The following PSD3 variants were observed in gnomAD, a reference collection of about 807,000 sequenced individuals.
PSD3 encodes pleckstrin and Sec7 domain containing 3.
A neutral mutation model predicts 105.5 loss-of-function variants in PSD3; 49 were observed. The observed-to-expected ratio is 0.46, with a 90% CI of 0.37 to 0.59. The LOEUF is 0.59. Among genes scored for constraint, PSD3 ranks in the 20% least tolerant of loss-of-function variants. The pLI is 0.00. For missense variants in PSD3, 1,561 were observed against 1,263.8 expected (o/e 1.24, Z -3.57); for synonymous variants, 557 against 457.8 (o/e 1.22, Z -2.77).
intron 1 of PSD3, among the ~76,000 whole-genome samples, chr8:18,969,175 C>T (rs1193752862): frequency 1.3e-5 from 2 of 152,134 alleles, no homozygotes; most frequent in African/African-American, 4.8e-5. Flanking sequence ...TCCAGAATGA[C>T]TTACCTTACT....
chr8:18,575,454 T>A (rs140827615), intron 12 of PSD3, among the ~76,000 whole-genome samples, 169 bp from the exon 13 acceptor site: 2 of 152,222 alleles, frequency 1.3e-5, no homozygotes, highest in African/African-American at 4.8e-5. Context: ...CAGAACATTA[T>A]GTTGTTTGAA....
intron 10 of PSD3, among the ~76,000 whole-genome samples, chr8:18,654,582 G>C (rs1339925307): frequency 6.6e-6 from 1 of 152,100 alleles, no homozygotes. Context: ...TAACAACAGT[G>C]GTATTGTTCT....
At chr8:18,854,662 G>T (rs1050185580) in intron 4 of PSD3, among the ~76,000 whole-genome samples, 1 of 152,108 alleles carries the variant, frequency 6.6e-6, no homozygotes, top group African/African-American at 2.4e-5. Context: ...CTAAAGAAAT[G>T]ACTGAAATAG....
intron 1 of PSD3, among the ~76,000 whole-genome samples, chr8:19,056,781 A>G (rs1160211272): frequency 2.6e-5 from 4 of 152,210 alleles, no homozygotes; most frequent in Non-Finnish European, 5.9e-5. Context: ...GGAATTCAAA[A>G]TAAGTGAACA....
chr8:18,634,052 T>G (rs1233878419), intron 10 of PSD3, among the ~76,000 whole-genome samples: 2 of 152,184 alleles, frequency 1.3e-5, no homozygotes, highest in East Asian at 3.9e-4. Flanking sequence ...TGTTGGCCAT[T>G]TGTATATCTT....
intron 2 of PSD3, among the ~76,000 whole-genome samples, chr8:18,884,881 C>T (rs867567334): frequency 3.3e-5 from 5 of 152,172 alleles, no homozygotes; most frequent in Non-Finnish European, 7.3e-5. Flanking sequence ...TAAGGAGTGG[C>T]ACCGCATACA....
chr8:18,719,212 C>T (rs1441897070), intron 9 of PSD3, among the ~76,000 whole-genome samples: 8 of 152,266 alleles, frequency 5.3e-5, no homozygotes, highest in African/African-American at 1.9e-4. Context: ...GTGGACGCCA[C>T]TGAGATTGTC....
chr8:18,801,057 G>T (rs1265630094), intron 7 of PSD3: 3 of 378,712 alleles, frequency 7.9e-6, no homozygotes, highest in Non-Finnish European at 1.4e-5. Context: ...ATGAGAAAAT[G>T]CTCACAATGA....
chr8:18,891,476 A>T, intron 2 of PSD3, among the ~76,000 whole-genome samples: 1 of 152,140 alleles, frequency 6.6e-6, no homozygotes, highest in Admixed American at 6.5e-5. Context: ...TTTGAGATAC[A>T]GCAATTTTTT....
Position 18,799,498 on chromosome 8 carries a change from G to A in PSD3, c.2024-145C>T, listed in dbSNP as rs978652023. The A allele has an allele frequency of 2.7e-5, 17 of 632,992 alleles. No homozygotes were observed. In the East Asian group the frequency reaches 3.7e-4, roughly 14 times the overall value. 39.2% of individuals were successfully genotyped at this position (632,992 alleles called of 1,614,324 possible). A position where few individuals can be genotyped will look rare whatever the true frequency, so the allele number is the denominator to read the frequency against. The stretch of plus-strand genomic sequence containing the variant: ...AGTCCTGTTTTAAGAAACAAAAAAT[G>A]GATAAGAATAATTTATAGAAAGAAC... On this transcript the variant is annotated intron_variant, in intron 7 of 15. Coordinates refer to ENST00000327040, the MANE Select transcript of PSD3 (RefSeq NM_015310.4).
chr8:18,813,045 TC>T (rs1357336610), intron 4 of PSD3, among the ~76,000 whole-genome samples: 2 of 151,976 alleles, frequency 1.3e-5, no homozygotes, highest in African/African-American at 4.8e-5. Flanking sequence ...AATAGTACAG[TC>T]AAGAGATGAG....
At chr8:18,624,670 AAAACTT>A (rs2130730971) in intron 11 of PSD3, among the ~76,000 whole-genome samples, 1 of 141,492 alleles carries the variant, frequency 7.1e-6, no homozygotes, top group East Asian at 2.0e-4. Flanking sequence ...CATGTACCCT[AAAACTT>A]AAAGTATTAA....
chr8:19,006,183 C>T (rs924416621), intron 1 of PSD3, among the ~76,000 whole-genome samples: 6 of 150,924 alleles, frequency 4.0e-5, no homozygotes, highest in Non-Finnish European at 8.9e-5. Context: ...ATCTCAGCTA[C>T]TCGGGAGGTG....
At chr8:18,556,404 A>G (rs1336670646) in intron 14 of PSD3, 52 bp from the exon 15 acceptor site, 1 of 1,559,246 alleles carries the variant, frequency 6.4e-7, no homozygotes, top group African/African-American at 1.4e-5. Flanking sequence ...CAAGTCAATA[A>G]CAAAGCACAG....
chr8:18,535,589 T>C lies in PSD3; in HGVS notation c.*154A>G, dbSNP rs1799803994. 2 of 678,300 alleles carry C rather than the reference T, an allele frequency of 2.9e-6. No homozygotes were observed. The highest frequency in any genetic ancestry group is 4.9e-6 in the Non-Finnish European group (2 of 405,142). 42.0% of individuals were successfully genotyped at this position (678,300 alleles called of 1,614,324 possible). A position where few individuals can be genotyped will look rare whatever the true frequency, so the allele number is the denominator to read the frequency against. ...AGAAATCAAGAGCAAAGACAATCTG[T>C]ACAGAAACTAACAAAAATATACAAT... On this transcript the variant is annotated 3_prime_UTR_variant, in exon 16 of 16. Transcript: ENST00000327040.
At chr8:18,878,314 T>C (rs141069362) in intron 2 of PSD3, among the ~76,000 whole-genome samples, 19 of 152,328 alleles carry the variant, frequency 1.2e-4, no homozygotes, top group African/African-American at 4.3e-4. Flanking sequence ...ACTTGGAGCA[T>C]ATAATAACAT....
rs1248049888 is a variant in PSD3, at chr8:18,872,168, T to C, written c.696A>G (p.Ile232Met). Residue 232 changes from isoleucine (I) to methionine (M), a missense_variant, in exon 3 of 16, where the codon ATA (isoleucine) becomes ATG (methionine). Coordinates refer to ENST00000327040, the MANE Select transcript of PSD3 (RefSeq NM_015310.4). ...TGDTQAEISQIMNNGRKGAVC... is the reference protein window; with the variant it reads ...TGDTQAEISQMMNNGRKGAVC... ...CAGCCCCTTTCCTCCCATTATTCAT[T>C]ATCTGGGAAATCTCTGCCTGAGTGT... The C allele has an allele frequency of 6.2e-7, 1 of 1,614,198 alleles. No individual in the cohort carries two copies.
intron 11 of PSD3, among the ~76,000 whole-genome samples, chr8:18,629,614 C>A (rs926762377): frequency 6.6e-6 from 1 of 151,900 alleles, no homozygotes; most frequent in Non-Finnish European, 1.5e-5. Flanking sequence ...ACAAAGCAGT[C>A]CCATGATTCC....
chr8:18,718,483 C>T (rs1585718035), intron 9 of PSD3, among the ~76,000 whole-genome samples: 1 of 152,174 alleles, frequency 6.6e-6, no homozygotes, highest in Non-Finnish European at 1.5e-5. Context: ...ATATACAGGA[C>T]TAGAAGGGAA....
Sources: allele counts gnomAD v4.1 joint callset (sites outside exome capture counted in the v4.1 genomes callset), GRCh38; gene constraint gnomAD v4.1.1; transcripts MANE v1.5; gene names NCBI Gene and HGNC (gene_info 2026-07-23, HGNC 2026-07-21).